The following KHSRP variants were observed in gnomAD, a reference collection of about 807,000 sequenced individuals.
The protein encoded by KHSRP is KH-type splicing regulatory protein.
KHSRP carries 13 observed loss-of-function variants against 94.9 expected under a neutral mutation model. The observed-to-expected ratio is 0.14, with a 90% CI of 0.09 to 0.22. The LOEUF (loss-of-function observed/expected upper bound fraction) is 0.22, where lower values mean the gene tolerates loss of function less well. KHSRP is among the 10% of genes least tolerant of loss of function. The probability of loss-of-function intolerance (pLI) is 1.00; values close to 1 mark genes in which losing one functional copy is unlikely to be tolerated. For missense variants in KHSRP, 710 were observed against 1,010.0 expected, an observed-to-expected ratio of 0.70 and a Z score of 4.03; for synonymous variants, 495 against 401.4, an observed-to-expected ratio of 1.23 and a Z score of -2.79.
chr19:6,423,234 G>T (rs919030129), intron 1 of KHSRP, among the ~76,000 whole-genome samples: 1 of 152,142 alleles, frequency 6.6e-6, no homozygotes, highest in Non-Finnish European at 1.5e-5. Context: ...TGCTGAGATC[G>T]TGCCACTGCA....
intron 2 of KHSRP, among the ~76,000 whole-genome samples, chr19:6,422,039 T>G (rs1056643943): frequency 6.6e-6 from 1 of 152,180 alleles, no homozygotes; most frequent in African/African-American, 2.4e-5. Context: ...ACCCCAGAGC[T>G]GGGCCAACTT....
chr19:6,418,932 G>C lies in KHSRP; in HGVS notation c.606-56C>G. 1 of 1,479,368 alleles carries C rather than the reference G, an allele frequency of 6.8e-7. No homozygotes were observed. The highest frequency in any genetic ancestry group is 8.9e-7 in the Non-Finnish European group (1 of 1,117,814). The allele number at this position is 1,479,368 out of a possible 1,614,324, so 91.6% of individuals were successfully genotyped here. A position where few individuals can be genotyped will look rare whatever the true frequency, so the allele number is the denominator to read the frequency against. On this transcript the variant is annotated intron_variant, in intron 7 of 18. Coordinates refer to ENST00000600480, the MANE Select transcript of KHSRP (RefSeq NM_001366299.1). The surrounding 1 kb of genome is among the most constrained non-coding windows in gnomAD (Gnocchi z 4.3). Reference sequence around the variant, plus strand: ...GTGCCACCGCTGGAGAAAGGTACTGGTCTGGTGGCCCACCCAGCTCAAAGG... The same window carrying C: ...GTGCCACCGCTGGAGAAAGGTACTGCTCTGGTGGCCCACCCAGCTCAAAGG...
At chr19:6,415,510 C>A (rs1391836243) in intron 17 of KHSRP, 24 bp downstream of exon 17, 9 of 1,546,582 alleles carry the variant, frequency 5.8e-6, no homozygotes, top group East Asian at 2.4e-5. Context: ...GGGCTGGAGC[C>A]CCCCCGCCAC....
chr19:6,421,078 C>T, intron 4 of KHSRP, 200 bp downstream of exon 4: 1 of 602,892 alleles, frequency 1.7e-6, no homozygotes, highest in South Asian at 2.0e-5. Flanking sequence ...CGACGCTCCC[C>T]TCCCACAGCC....
chr19:6,415,779 TG>T, intron 16 of KHSRP, 28 bp downstream of exon 16: 1 of 1,553,452 alleles, frequency 6.4e-7, no homozygotes, highest in Non-Finnish European at 8.7e-7. Context: ...GAACAGGGCC[TG>T]CCCTCCGCCA....
At chr19:6,417,289 G>A (rs2092154890) in intron 11 of KHSRP, among the ~76,000 whole-genome samples, 1 of 152,218 alleles carries the variant, frequency 6.6e-6, no homozygotes. Flanking sequence ...CAAGCCAGGA[G>A]GTGGCTCAAG....
Position 6,418,523 on chromosome 19 carries a change from T to C in KHSRP, c.839A>G (p.Asp280Gly). 1 of 1,613,970 alleles carries C rather than the reference T, an allele frequency of 6.2e-7. No homozygotes were observed. Among genetic ancestry groups the C allele is most frequent in the Non-Finnish European group, 8.5e-7 (1 of 1,179,866 alleles). The change falls in exon 9 of 19, where the codon GAC becomes GGC. Residue 280 changes from aspartate to glycine, a missense_variant. Asp to Gly is a moderately conservative substitution (Grantham distance 94). This residue lies in a region of KHSRP where 288 missense variants were observed against 501.1 expected (regional missense o/e 0.57). Transcript: ENST00000600480. The surrounding 1 kb of genome is among the most constrained non-coding windows in gnomAD (Gnocchi z 4.3). ...IQDGSQNTNV[D>G]KPLRIIGDPY... is the part of the protein sequence containing the mutation. ...ATCCCCAATGATGCGGAGAGGTTTG[T>C]CCACATTCGTATTCTGAGATCCGTC...
At chr19:6,420,240 T>G in intron 5 of KHSRP, 96 bp from the exon 6 acceptor site, 1 of 1,218,698 alleles carries the variant, frequency 8.2e-7, no homozygotes, top group East Asian at 2.5e-5. Flanking sequence ...CCCTCTGACG[T>G]TCAGGAGGGC....
chr19:6,415,674 T>C lies in KHSRP; in HGVS notation c.1748A>G (p.Tyr583Cys). 1.9e-6 allele frequency: 3 copies of C among 1,545,794 alleles called. No individual in the cohort carries two copies. The highest frequency in any genetic ancestry group is 2.6e-6 in the Non-Finnish European group (3 of 1,146,252). The change falls in exon 17 of 19, where the codon TAC becomes TGC. Residue 583 changes from tyrosine to cysteine, a missense_variant. Tyr to Cys is a radical substitution (Grantham distance 194). Coordinates refer to ENST00000600480, the MANE Select transcript of KHSRP (RefSeq NM_001366299.1). The stretch of plus-strand genomic sequence containing the variant: ...GACGGGGCCCGGGGGCTGCTGGTAG[T>C]AGTGTGAGTAGTAGGCGGCCCACGC... ...NAAWAAYYSHYYQQPPGPVPG... is the reference protein window; with the variant it reads ...NAAWAAYYSHCYQQPPGPVPG...
chr19:6,422,254 A>G (rs2092199586), intron 2 of KHSRP, 86 bp downstream of exon 2: 1 of 804,218 alleles, frequency 1.2e-6, no homozygotes, highest in African/African-American at 1.7e-5. Context: ...AGTGACACCC[A>G]CCCCCTCTGA....
rs536075692 is a variant in KHSRP, at chr19:6,415,342, G to GCTGCCC, written c.1966+32_1966+37dup. 498 of 1,612,806 alleles carry GCTGCCC rather than the reference G, an allele frequency of 3.1e-4. 2 individuals carry two copies. The African/African-American group carries it at 6.0e-3, about 20-fold the overall frequency. On this transcript the variant is annotated intron_variant, in intron 18 of 18. Coordinates refer to ENST00000600480, the MANE Select transcript of KHSRP (RefSeq NM_001366299.1). Reference sequence around the variant, plus strand: ...GGCAGGTGAGAGGCTGTGGGTGAGGGCTGCCCCTGCCCCTGTCCCCGCATG... The same window carrying GCTGCCC: ...GGCAGGTGAGAGGCTGTGGGTGAGGGCTGCCCCTGCCCCTGCCCCTGTCCCCGCATG...
Position 6,414,226 on chromosome 19 carries a change from A to G in KHSRP, c.*798T>C. The stretch of plus-strand genomic sequence containing the variant: ...TGGAACACCGTGGGGGGGGCCAGGA[A>G]GCCCCCTCCCAAACCTGCGCTGGCT... On this transcript the variant is annotated 3_prime_UTR_variant, in exon 19 of 19. Transcript: ENST00000600480. The G allele has an allele frequency of 6.6e-7, 1 of 1,522,516 alleles. No homozygotes were observed. The highest frequency in any genetic ancestry group is 8.8e-7 in the Non-Finnish European group (1 of 1,134,956). The allele number at this position is 1,522,516 out of a possible 1,614,324, so 94.3% of individuals were successfully genotyped here. A position where few individuals can be genotyped will look rare whatever the true frequency, so the allele number is the denominator to read the frequency against.
At chr19:6,417,929 C>T (rs1003173010) in intron 10 of KHSRP, 52 bp downstream of exon 10, 2 of 1,603,852 alleles carry the variant, frequency 1.2e-6, no homozygotes, top group Non-Finnish European at 1.7e-6. Flanking sequence ...TCACCCCGGC[C>T]CCTCCCTCCA....
intron 11 of KHSRP, 84 bp downstream of exon 11, chr19:6,417,655 C>T (rs986489521): frequency 4.2e-6 from 5 of 1,177,474 alleles, no homozygotes; most frequent in Non-Finnish European, 6.2e-6. Flanking sequence ...ACCTGGCTGA[C>T]CACGGTGCCC....
Position 6,418,606 on chromosome 19 carries a change from G to C in KHSRP, c.781-25C>G, listed in dbSNP as rs774788105. ...CCTTTACAAGCAAGGTTAACCGTTA[G>C]TGCTGGGCTCTCCCAGGACTTCCTG... On this transcript the variant is annotated intron_variant, in intron 8 of 18. Coordinates refer to ENST00000600480, the MANE Select transcript of KHSRP (RefSeq NM_001366299.1). This position sits in a 1 kb window ranked among gnomAD's most constrained non-coding sequence, Gnocchi z 4.3. 38 of 1,613,130 alleles carry C rather than the reference G, an allele frequency of 2.4e-5. No individual in the cohort carries two copies. Among genetic ancestry groups the C allele is most frequent in the Non-Finnish European group, 3.1e-5 (37 of 1,179,202 alleles).
In KHSRP at chr19:6,418,353, G is replaced by C. The variant is rs1328569221; in HGVS notation, c.879+130C>G. On this transcript the variant is annotated intron_variant, in intron 9 of 18. Transcript: ENST00000600480. This position sits in a 1 kb window ranked among gnomAD's most constrained non-coding sequence, Gnocchi z 4.3. ...GGCCATCCTACGAGCCAGCGCTCTT[G>C]CAAGCCTCTTGGTGTTATGACCGAC... 2.8e-6 allele frequency: 2 copies of C among 725,860 alleles called. No homozygotes were observed. The highest frequency in any genetic ancestry group is 2.7e-5 in the East Asian group (1 of 37,080). The allele number at this position is 725,860 out of a possible 1,614,324, so 45.0% of individuals were successfully genotyped here. A position where few individuals can be genotyped will look rare whatever the true frequency, so the allele number is the denominator to read the frequency against.
chr19:6,423,250 G>C (rs1002165550), intron 1 of KHSRP, among the ~76,000 whole-genome samples: 7 of 152,186 alleles, frequency 4.6e-5, no homozygotes, highest in African/African-American at 1.4e-4. Context: ...CTGCACCCCT[G>C]CCTGGGTGAT....
chr19:6,416,663 AGAAGGT>A lies in KHSRP; in HGVS notation c.1328-19_1328-14del. ...ACATTCTCGCCACCTGCAGAAACGC[AGAAGGT>A]GAAGGTGGCCTGCAGTGATGGCCCA... On this transcript the variant is annotated splice_polypyrimidine_tract_variant and intron_variant, in intron 13 of 18. Transcript: ENST00000600480. The A allele has an allele frequency of 6.2e-7, 1 of 1,613,808 alleles. No individual in the cohort carries two copies. Among genetic ancestry groups the A allele is most frequent in the African/African-American group, 1.3e-5 (1 of 75,056 alleles).
At position 6,417,320 on chromosome 19, in the gene KHSRP, C is replaced by G. The variant is rs568572553; in HGVS notation, c.1082-233G>C. Among the ~76,000 whole-genome samples, 358 of 152,308 alleles carry G rather than the reference C, an allele frequency of 2.4e-3. 4 individuals are homozygous for G. The highest frequency in any genetic ancestry group is 8.1e-3 in the African/African-American group (338 of 41,560). Reference sequence around the variant, plus strand: ...TCAAGCTTCTTCCAGCACACAGCACCCCCAGCACTGAGAGATTTTACAGAA... The same window carrying G: ...TCAAGCTTCTTCCAGCACACAGCACGCCCAGCACTGAGAGATTTTACAGAA... On this transcript the variant is annotated intron_variant, in intron 11 of 18. Transcript: ENST00000600480.
Sources: allele counts gnomAD v4.1 joint callset (sites outside exome capture counted in the v4.1 genomes callset), GRCh38; gene constraint gnomAD v4.1.1; regional missense constraint gnomAD v4.1.1; non-coding constraint Gnocchi (gnomAD v3.1); transcripts MANE v1.5; gene names NCBI Gene and HGNC (gene_info 2026-07-23, HGNC 2026-07-21).